Variants in GRID1 observed in about 807,000 individuals in gnomAD.
GRID1 encodes the protein glutamate receptor ionotropic, delta-1.
In GRID1, 28 loss-of-function variants were observed where a neutral mutation model predicts 98.0. The ratio of observed to expected loss-of-function variants is 0.29; its 90% CI spans 0.21 to 0.39. The LOEUF (loss-of-function observed/expected upper bound fraction) is 0.39, where lower values mean the gene tolerates loss of function less well. Among genes scored for constraint, GRID1 ranks in the 10% least tolerant of loss-of-function variants. GRID1 has a pLI of 1.00. For synonymous variants in GRID1, 553 were observed against 538.5 expected (o/e 1.03, Z -0.37); for missense variants, 1,111 against 1,340.5 (o/e 0.83, Z 2.67).
intron 8 of GRID1, among the ~76,000 whole-genome samples, chr10:85,731,379 A>G (rs1215406080): frequency 2.0e-5 from 3 of 152,022 alleles, no homozygotes; most frequent in African/African-American, 7.3e-5. Context: ...GGGCATTGAG[A>G]TAAAGAACAA....
intron 13 of GRID1, among the ~76,000 whole-genome samples, chr10:85,633,298 G>A (rs2132537160): frequency 6.6e-6 from 1 of 152,164 alleles, no homozygotes; most frequent in African/African-American, 2.4e-5. Context: ...TATTATTCAG[G>A]AGCCCATTAA....
intron 4 of GRID1, among the ~76,000 whole-genome samples, chr10:86,052,869 T>A (rs1843521152): frequency 6.6e-6 from 1 of 152,250 alleles, no homozygotes; most frequent in African/African-American, 2.4e-5. Context: ...GCAGATTTCA[T>A]AATTCAAAAC....
chr10:85,673,253 T>G (rs1841107842), intron 12 of GRID1, among the ~76,000 whole-genome samples: 1 of 152,226 alleles, frequency 6.6e-6, no homozygotes. Context: ...GAAAGTGGCT[T>G]CTTGAGATAG....
chr10:85,755,029 T>C (rs958450663), intron 8 of GRID1, among the ~76,000 whole-genome samples: 2 of 152,198 alleles, frequency 1.3e-5, no homozygotes, highest in African/African-American at 2.4e-5. Flanking sequence ...TCTTGGAATA[T>C]GAAGCAGCCC....
chr10:86,261,241 G>A (rs571137722), intron 2 of GRID1, among the ~76,000 whole-genome samples: 1 of 152,372 alleles, frequency 6.6e-6, no homozygotes, highest in South Asian at 2.1e-4. Flanking sequence ...CAAATTTGAA[G>A]CTACCCCTAT....
chr10:86,040,510 TAAA>T (rs3057696), intron 4 of GRID1, among the ~76,000 whole-genome samples: 20 of 103,276 alleles, frequency 1.9e-4, no homozygotes, highest in African/African-American at 7.1e-4. Flanking sequence ...ACTCATATCT[TAAA>T]AAAAAAAAAA....
chr10:86,228,849 C>G (rs1187566610), intron 2 of GRID1, among the ~76,000 whole-genome samples: 1 of 152,170 alleles, frequency 6.6e-6, no homozygotes, highest in Non-Finnish European at 1.5e-5. Context: ...CTCTAAAGAG[C>G]TGGGACCCCA....
At chr10:85,698,213 G>A (rs1310686755) in intron 12 of GRID1, among the ~76,000 whole-genome samples, 1 of 152,128 alleles carries the variant, frequency 6.6e-6, no homozygotes, top group African/African-American at 2.4e-5. Context: ...TATGATTCCT[G>A]TTCAATGTCA....
chr10:85,616,789 C>T (rs1842794737), intron 14 of GRID1, among the ~76,000 whole-genome samples: 1 of 152,152 alleles, frequency 6.6e-6, no homozygotes, highest in South Asian at 2.1e-4. Flanking sequence ...GGATAATAGC[C>T]ACTTCCTGAA....
chr10:86,267,644 C>T (rs899879981), intron 2 of GRID1, among the ~76,000 whole-genome samples: 6 of 152,154 alleles, frequency 3.9e-5, no homozygotes, highest in Non-Finnish European at 8.8e-5. Context: ...CCCACCACAC[C>T]CACTAGCCAG....
intron 3 of GRID1, among the ~76,000 whole-genome samples, chr10:86,141,237 C>A (rs1359075501): frequency 6.6e-6 from 1 of 152,206 alleles, no homozygotes; most frequent in East Asian, 1.9e-4. Context: ...AAGCCCCAGG[C>A]TGTCAACACC....
chr10:86,143,499 G>T (rs953936355), intron 3 of GRID1, among the ~76,000 whole-genome samples: 22 of 152,252 alleles, frequency 1.4e-4, no homozygotes, highest in African/African-American at 5.1e-4. Flanking sequence ...CACAGTTAGT[G>T]CCCCTTCCCC....
chr10:85,865,971 A>ATATG (rs1564613351), intron 6 of GRID1, among the ~76,000 whole-genome samples: 17 of 107,696 alleles, frequency 1.6e-4, no homozygotes, highest in African/African-American at 5.6e-4. Context: ...AGAGAGAGAG[A>ATATG]GAGAGAGAGA....
chr10:85,837,197 G>C (rs529811249), intron 8 of GRID1, among the ~76,000 whole-genome samples: 1 of 152,098 alleles, frequency 6.6e-6, no homozygotes, highest in Non-Finnish European at 1.5e-5. Flanking sequence ...GAGAACAAAG[G>C]ATCCTCCCAC....
intron 12 of GRID1, among the ~76,000 whole-genome samples, chr10:85,671,301 C>T (rs1841082104): frequency 6.6e-6 from 1 of 152,216 alleles, no homozygotes; most frequent in Admixed American, 6.5e-5. Context: ...TCTATCAGTG[C>T]CATTTTCCAA....
intron 12 of GRID1, among the ~76,000 whole-genome samples, chr10:85,672,355 C>T (rs1157046455): frequency 3.3e-5 from 5 of 152,152 alleles, no homozygotes; most frequent in South Asian, 2.1e-4. Flanking sequence ...GTGGCCAGGC[C>T]GGAGTGCAGT....
intron 8 of GRID1, among the ~76,000 whole-genome samples, chr10:85,768,422 A>AC (rs1471253467): frequency 6.6e-6 from 1 of 151,870 alleles, no homozygotes; most frequent in East Asian, 1.9e-4. Flanking sequence ...GTAAAAAAAA[A>AC]ATGATAATAA....
At chr10:86,233,963 G>C (rs1250385996) in intron 2 of GRID1, among the ~76,000 whole-genome samples, 1 of 150,046 alleles carries the variant, frequency 6.7e-6, no homozygotes, top group Non-Finnish European at 1.5e-5. Context: ...GGGTGGGTGA[G>C]GGTGGGGGTG....
intron 13 of GRID1, among the ~76,000 whole-genome samples, chr10:85,625,667 G>A (rs1278476833): frequency 1.3e-5 from 2 of 152,144 alleles, no homozygotes. Flanking sequence ...CTGCTCCCTG[G>A]GTTGTTGCAA....
Sources: gnomAD v4.1 joint callset for allele counts (sites outside exome capture counted in the v4.1 genomes callset) on GRCh38, gnomAD v4.1.1 for gene constraint, MANE v1.5 for transcripts, NCBI Gene and HGNC (gene_info 2026-07-23, HGNC 2026-07-21) for gene names.